Variants in SIK2 observed in about 807,000 individuals in gnomAD.
SIK2 encodes the protein serine/threonine-protein kinase SIK2.
A neutral mutation model predicts 103.2 loss-of-function variants in SIK2; 29 were observed. The observed-to-expected ratio is 0.28, with a 90% CI of 0.21 to 0.38. The LOEUF (loss-of-function observed/expected upper bound fraction) is 0.38. Among genes scored for constraint, SIK2 ranks in the 10% least tolerant of loss-of-function variants. The pLI is 1.00. For missense variants in SIK2, 879 were observed against 1,171.0 expected (o/e 0.75, Z 3.64); for synonymous variants, 412 against 446.1 (o/e 0.92, Z 0.96).
chr11:111,718,509 C>T (rs1332481209), intron 9 of SIK2, among the ~76,000 whole-genome samples: 2 of 152,220 alleles, frequency 1.3e-5, no homozygotes, highest in Non-Finnish European at 2.9e-5. Flanking sequence ...ATGCATTAGC[C>T]ACCTTACCCG....
chr11:111,713,471 T>C (rs1268173789), intron 9 of SIK2, among the ~76,000 whole-genome samples: 2 of 152,166 alleles, frequency 1.3e-5, no homozygotes, highest in Non-Finnish European at 2.9e-5. Context: ...TATGAGACTA[T>C]TATGAGGATT....
At chr11:111,605,785 G>A (rs1266308733) in intron 1 of SIK2, among the ~76,000 whole-genome samples, 1 of 152,152 alleles carries the variant, frequency 6.6e-6, no homozygotes, top group East Asian at 1.9e-4. Context: ...AAAAATAGTG[G>A]ACAAAAGAGA....
Position 111,703,343 on chromosome 11 carries a change from G to A in SIK2, c.868G>A (p.Glu290Lys), listed in dbSNP as rs1453529812. The change falls in exon 7 of 15, where the codon GAG becomes AAG. Residue 290 changes from glutamate to lysine, a missense_variant. Physicochemically the swap from Glu to Lys is moderately conservative, Grantham distance 56. Around this residue, in one of 7 missense-constraint regions of SIK2, gnomAD observed 99 missense variants for 153.9 expected, o/e 0.64. Transcript: ENST00000304987. The stretch of plus-strand genomic sequence containing the variant: ...TCTCTATCCACAAGAGCAAGAAAAT[G>A]AGCCATCCATCGGGGAGTTTAATGA... The part of the protein sequence containing the change: ...PVLYPQEQEN[E>K]PSIGEFNEQV... The A allele has an allele frequency of 2.5e-6, 4 of 1,614,024 alleles. No individual in the cohort carries two copies. Among genetic ancestry groups the A allele is most frequent in the Non-Finnish European group, 2.5e-6 (3 of 1,180,004 alleles).
At position 111,700,986 on chromosome 11, in the gene SIK2, T is replaced by A. The variant is rs745843241; in HGVS notation, c.579T>A (p.Tyr193Ter). 1 of 1,613,934 alleles carries A rather than the reference T, an allele frequency of 6.2e-7. No individual in the cohort carries two copies. Among genetic ancestry groups the A allele is most frequent in the Non-Finnish European group, 8.5e-7 (1 of 1,179,946 alleles). ...CAGAAGTCTTTGAAGGGCAGCAGTATGAAGGACCACAGCTGGACATCTGGG... is the reference window on the plus strand; with the variant it reads ...CAGAAGTCTTTGAAGGGCAGCAGTAAGAAGGACCACAGCTGGACATCTGGG... The part of the protein sequence containing the change: ...AAPEVFEGQQ[Y>*]EGPQLDIWSM... The change falls in exon 5 of 15, where the codon TAT becomes TAA. Residue 193 changes from tyrosine (Y) to a stop codon, truncating the protein, a stop_gained. Coordinates refer to ENST00000304987, the MANE Select transcript of SIK2 (RefSeq NM_015191.3). LOFTEE classifies it high-confidence loss of function.
intron 3 of SIK2, among the ~76,000 whole-genome samples, chr11:111,676,748 C>T (rs75135843): frequency 0.039 from 5,929 of 152,216 alleles, 383 homozygotes; most frequent in African/African-American, 0.13. Flanking sequence ...ATTAGTATCT[C>T]ATTCTCCAAG....
Position 111,602,888 on chromosome 11 carries a change from C to G in SIK2, c.135+190C>G, listed in dbSNP as rs1416713616. Among the ~76,000 whole-genome samples, 1 of 152,110 alleles carries G rather than the reference C, an allele frequency of 6.6e-6. No homozygotes were observed. Among genetic ancestry groups the G allele is most frequent in the Non-Finnish European group, 1.5e-5 (1 of 67,984 alleles). On this transcript the variant is annotated intron_variant, in intron 1 of 14. Transcript: ENST00000304987. This position sits in a 1 kb window ranked among gnomAD's most constrained non-coding sequence, Gnocchi z 4.5. ...TCGGTGAGCAGCGAAGGGATCGGGC[C>G]CGGGCACCCGGACCCGAGTGTCGTC... is the stretch of plus-strand genomic sequence containing the variant.
chr11:111,627,826 G>A (rs984538393), intron 3 of SIK2, among the ~76,000 whole-genome samples: 2 of 152,092 alleles, frequency 1.3e-5, no homozygotes, highest in African/African-American at 4.8e-5. Flanking sequence ...TTGGCCAGCA[G>A]ATCATACTCT....
chr11:111,720,393 A>G, intron 10 of SIK2, 85 bp from the exon 11 acceptor site: 1 of 1,376,000 alleles, frequency 7.3e-7, no homozygotes, highest in Non-Finnish European at 9.9e-7. Context: ...GTAGCTGTCA[A>G]AACTCAAGCT....
chr11:111,720,289 C>G (rs1195020195), intron 10 of SIK2, among the ~76,000 whole-genome samples, 189 bp from the exon 11 acceptor site: 1 of 152,152 alleles, frequency 6.6e-6, no homozygotes, highest in Non-Finnish European at 1.5e-5. Context: ...ACAGATGCCA[C>G]TTCTGGAGTG....
intron 3 of SIK2, among the ~76,000 whole-genome samples, chr11:111,624,963 A>G (rs1316769633): frequency 6.6e-6 from 1 of 152,158 alleles, no homozygotes; most frequent in African/African-American, 2.4e-5. Context: ...ATAAATGCAA[A>G]TCCCTGAGGC....
chr11:111,666,885 G>C (rs1942549816), intron 3 of SIK2, among the ~76,000 whole-genome samples: 1 of 151,964 alleles, frequency 6.6e-6, no homozygotes, highest in Admixed American at 6.6e-5. Context: ...AAATAGTCAT[G>C]ACATATTTAC....
chr11:111,638,016 A>G (rs922259789), intron 3 of SIK2, among the ~76,000 whole-genome samples: 2 of 152,200 alleles, frequency 1.3e-5, no homozygotes, highest in East Asian at 1.9e-4. Context: ...TTGGAAACTG[A>G]GCCAGTAGAA....
rs188268769 is a variant in SIK2 at position 111,613,489 on chromosome 11, A to G, written c.136-2754A>G. ...TCCTAAGGAATATTGAGGATATTCAATTATACACTTATCCTTTTATCTGGC... is the reference window on the plus strand; with the variant it reads ...TCCTAAGGAATATTGAGGATATTCAGTTATACACTTATCCTTTTATCTGGC... On this transcript the variant is annotated intron_variant, in intron 1 of 14. Coordinates refer to ENST00000304987, the MANE Select transcript of SIK2 (RefSeq NM_015191.3). Among the ~76,000 whole-genome samples, 478 of 152,328 alleles carry G rather than the reference A, an allele frequency of 3.1e-3. 1 individual carries two copies. Among genetic ancestry groups the G allele is most frequent in the Middle Eastern group, 0.02 (6 of 294 alleles).
At chr11:111,611,214 A>T (rs1591586031) in intron 1 of SIK2, among the ~76,000 whole-genome samples, 1 of 149,238 alleles carries the variant, frequency 6.7e-6, no homozygotes, top group African/African-American at 2.5e-5. Context: ...GCGCCAGTGC[A>T]CTCCAGCCCA....
rs748142533 is a variant in SIK2, at chr11:111,720,527, T to C, written c.1545T>C (p.Ser515=). 7 of 1,613,394 alleles carry C rather than the reference T, an allele frequency of 4.3e-6. No homozygotes were observed. Among genetic ancestry groups the C allele is most frequent in the Non-Finnish European group, 5.9e-6 (7 of 1,179,834 alleles). The part of the protein sequence containing the change: ...NDSPSLDSVD[S]EYDMGSVQRD... ...GCCCCTCCCTTGACAGTGTGGACTC[T>C]GAGTATGATATGGGGTCTGTTCAGA... is the stretch of plus-strand genomic sequence containing the variant. Residue 515 remains serine, a synonymous_variant, in exon 11 of 15, where the codon TCT becomes TCC. Coordinates refer to ENST00000304987, the MANE Select transcript of SIK2 (RefSeq NM_015191.3).
intron 3 of SIK2, among the ~76,000 whole-genome samples, chr11:111,659,202 T>A (rs900663274): frequency 3.9e-5 from 6 of 152,232 alleles, no homozygotes; most frequent in African/African-American, 1.4e-4. Flanking sequence ...TTATTGTCGG[T>A]GCCTTTTAAT....
chr11:111,698,306 G>A (rs943103663), intron 4 of SIK2, among the ~76,000 whole-genome samples: 4 of 152,220 alleles, frequency 2.6e-5, no homozygotes, highest in Admixed American at 2.6e-4. Flanking sequence ...TGCCTGTGAA[G>A]TGTACTATGA....
At chr11:111,704,395 T>G (rs1420842335) in intron 7 of SIK2, among the ~76,000 whole-genome samples, 1 of 152,170 alleles carries the variant, frequency 6.6e-6, no homozygotes, top group Admixed American at 6.5e-5. Context: ...GATGTGAACA[T>G]TTGGGAAGCA....
intron 3 of SIK2, among the ~76,000 whole-genome samples, chr11:111,661,578 G>A (rs986326650): frequency 6.6e-5 from 10 of 152,208 alleles, no homozygotes; most frequent in African/African-American, 2.4e-4. Flanking sequence ...TACACTGCAT[G>A]TTAGTAAATT....
Sources: gnomAD v4.1 joint callset for allele counts (sites outside exome capture counted in the v4.1 genomes callset) on GRCh38, gnomAD v4.1.1 for gene constraint, gnomAD v4.1.1 regional missense constraint, Gnocchi (gnomAD v3.1) non-coding constraint, MANE v1.5 for transcripts, NCBI Gene and HGNC (gene_info 2026-07-23, HGNC 2026-07-21) for gene names.